The following USP8 variants were observed in gnomAD, a reference collection of about 807,000 sequenced individuals.
The protein encoded by USP8 is ubiquitin carboxyl-terminal hydrolase 8.
A neutral mutation model predicts 130.0 loss-of-function variants in USP8; 27 were observed. The ratio of observed to expected loss-of-function variants is 0.21; its 90% CI spans 0.15 to 0.29. The LOEUF (loss-of-function observed/expected upper bound fraction) is 0.29, where lower values mean the gene tolerates loss of function less well. Ranked by LOEUF, USP8 falls within the 10% of genes least tolerant of loss-of-function variation. The probability of loss-of-function intolerance (pLI) is 1.00; values close to 1 mark genes in which losing one functional copy is unlikely to be tolerated. For synonymous variants in USP8, 392 were observed against 444.1 expected (o/e 0.88, Z 1.48); for missense variants, 1,029 against 1,312.2 (o/e 0.78, Z 3.33).
rs1279091123 is a variant in USP8, at chr15:50,462,263, T to C, written c.499-17T>C. On this transcript the variant is annotated splice_polypyrimidine_tract_variant and intron_variant, in intron 5 of 19. Transcript: ENST00000307179. Reference sequence around the variant, plus strand: ...TGTCTATGAAAGTTGAAACTTTTTTTTTTTCCTATGCAATAGAGCAATGGT... The same window carrying C: ...TGTCTATGAAAGTTGAAACTTTTTTCTTTTCCTATGCAATAGAGCAATGGT... The C allele has an allele frequency of 6.3e-7, 1 of 1,592,582 alleles. No individual in the cohort carries two copies. The highest frequency in any genetic ancestry group is 8.5e-7 in the Non-Finnish European group (1 of 1,174,010).
Position 50,503,735 on chromosome 15 carries a change from T to G in USP8, c.*4647T>G, listed in dbSNP as rs1382696060. 3 of 152,228 alleles carry G rather than the reference T, an allele frequency of 2.0e-5. No individual in the cohort carries two copies. Among genetic ancestry groups the G allele is most frequent in the Non-Finnish European group, 4.4e-5 (3 of 68,046 alleles). The allele number at this position is 152,228 out of a possible 1,614,324, so 9.4% of individuals were successfully genotyped here. A position where few individuals can be genotyped will look rare whatever the true frequency, so the allele number is the denominator to read the frequency against. Reference sequence around the variant, plus strand: ...AATATGAAAAGTATTTCTAGGGCAGTTGCCAGAAGGAAACAGAATTTCTAG... The same window carrying G: ...AATATGAAAAGTATTTCTAGGGCAGGTGCCAGAAGGAAACAGAATTTCTAG... On this transcript the variant is annotated 3_prime_UTR_variant, in exon 20 of 20. Transcript: ENST00000307179.
Position 50,509,115 on chromosome 15 carries a change from A to G in USP8, c.*10027A>G, listed in dbSNP as rs1361726986. Reference sequence around the variant, plus strand: ...GCCACTGTGCTCCAGCCTGGGCGACAGAGCGAGACTCCGTCACAAAAAAAA... The same window carrying G: ...GCCACTGTGCTCCAGCCTGGGCGACGGAGCGAGACTCCGTCACAAAAAAAA... On this transcript the variant is annotated 3_prime_UTR_variant, in exon 20 of 20. Transcript: ENST00000307179. 1.5e-5 allele frequency: 2 copies of G among 134,042 alleles called. No individual in the cohort carries two copies. The highest frequency in any genetic ancestry group is 1.6e-5 in the Non-Finnish European group (1 of 64,478). 8.3% of individuals were successfully genotyped at this position (134,042 alleles called of 1,614,324 possible).
intron 4 of USP8, among the ~76,000 whole-genome samples, chr15:50,457,071 G>A (rs1421092058): frequency 6.6e-6 from 1 of 152,122 alleles, no homozygotes; most frequent in South Asian, 2.1e-4. Context: ...TAGATGGCAC[G>A]TTTTTGGTCA....
intron 18 of USP8, 96 bp from the exon 19 acceptor site, chr15:50,498,500 A>C (rs1210315180): frequency 7.1e-7 from 1 of 1,411,432 alleles, no homozygotes; most frequent in Non-Finnish European, 9.4e-7. Context: ...TTTGAAATGG[A>C]TTTTACAGTC....
At chr15:50,482,836 T>TA (rs2051823814) in intron 11 of USP8, among the ~76,000 whole-genome samples, 1 of 152,226 alleles carries the variant, frequency 6.6e-6, no homozygotes. Context: ...GAAGGCGGGA[T>TA]ACCATCTTTA....
chr15:50,450,142 G>A (rs1459177897), intron 4 of USP8, among the ~76,000 whole-genome samples: 11 of 152,028 alleles, frequency 7.2e-5, no homozygotes, highest in Admixed American at 3.9e-4. Flanking sequence ...TGATCCGCCC[G>A]CCTCAGCCTC....
intron 6 of USP8, 110 bp from the exon 7 acceptor site, chr15:50,464,937 A>T: frequency 9.2e-7 from 1 of 1,086,726 alleles, no homozygotes; most frequent in East Asian, 2.5e-5. Flanking sequence ...GCATCCATAT[A>T]TATTCAGTAT....
At chr15:50,478,232 C>T (rs1212345601) in intron 10 of USP8, among the ~76,000 whole-genome samples, 1 of 152,154 alleles carries the variant, frequency 6.6e-6, no homozygotes, top group African/African-American at 2.4e-5. Context: ...TAGAATTTGA[C>T]ACGCAAATAA....
At chr15:50,428,624 TACA>T (rs1284779716) in intron 1 of USP8, among the ~76,000 whole-genome samples, 2 of 152,204 alleles carry the variant, frequency 1.3e-5, no homozygotes, top group African/African-American at 2.4e-5. Context: ...ATAGAATAAT[TACA>T]ACAATATAGT....
intron 7 of USP8, among the ~76,000 whole-genome samples, chr15:50,469,621 TTATTA>T (rs2051309175): frequency 6.6e-6 from 1 of 152,162 alleles, no homozygotes; most frequent in African/African-American, 2.4e-5. Context: ...GTAACCAACA[TTATTA>T]TATAGGAACT....
chr15:50,465,146 G>A lies in USP8; in HGVS notation c.641G>A (p.Cys214Tyr), dbSNP rs199774545. ...AGAATGCAGGATTATCAGGATTCCTGTATTTTACATTCTCTCAGTGTTCCT... is the reference window on the plus strand; with the variant it reads ...AGAATGCAGGATTATCAGGATTCCTATATTTTACATTCTCTCAGTGTTCCT... ...ARRMQDYQDS[C>Y]ILHSLSVPEE... Residue 214 changes from cysteine (C) to tyrosine (Y), a missense_variant, in exon 7 of 20, where the codon TGT (cysteine) becomes TAT (tyrosine). Cys to Tyr is a radical substitution (Grantham distance 194). Around this residue, in one of 4 missense-constraint regions of USP8, gnomAD observed 281 missense variants for 336.7 expected, o/e 0.83. Transcript: ENST00000307179. 1.2e-6 allele frequency: 2 copies of A among 1,613,966 alleles called. No individual in the cohort carries two copies. Among genetic ancestry groups the A allele is most frequent in the East Asian group, 4.5e-5 (2 of 44,870 alleles).
At chr15:50,431,880 T>C (rs1041288347) in intron 1 of USP8, among the ~76,000 whole-genome samples, 3 of 152,032 alleles carry the variant, frequency 2.0e-5, no homozygotes, top group Non-Finnish European at 2.9e-5. Context: ...GGTCTTGAAC[T>C]TCTGACCTCA....
intron 5 of USP8, among the ~76,000 whole-genome samples, chr15:50,459,704 C>G (rs2141278554): frequency 6.6e-6 from 1 of 152,276 alleles, no homozygotes; most frequent in Non-Finnish European, 1.5e-5. Context: ...ACATTATAAA[C>G]TTAATTAGAG....
Position 50,465,052 on chromosome 15 carries a change from A to T in USP8, c.547A>T (p.Ile183Phe). The T allele has an allele frequency of 6.2e-7, 1 of 1,613,790 alleles. No homozygotes were observed. Among genetic ancestry groups the T allele is most frequent in the East Asian group, 2.2e-5 (1 of 44,860 alleles). The change falls in exon 7 of 20, where the codon ATC (isoleucine) becomes TTC (phenylalanine). Residue 183 changes from isoleucine to phenylalanine, a missense_variant. Ile to Phe is a conservative substitution (Grantham distance 21). Around this residue, in one of 4 missense-constraint regions of USP8, gnomAD observed 281 missense variants for 336.7 expected, o/e 0.83. Coordinates refer to ENST00000307179, the MANE Select transcript of USP8 (RefSeq NM_005154.5). ...EKCETKEKGA[I>F]TAKELYTMMT... ...CTGTCTCTCTCAATTCCAAGGAGCA[A>T]TCACAGCAAAGGAACTATACACAAT... is the stretch of plus-strand genomic sequence containing the variant.
chr15:50,452,596 G>C (rs1284501629), intron 4 of USP8, among the ~76,000 whole-genome samples: 1 of 152,136 alleles, frequency 6.6e-6, no homozygotes, highest in Non-Finnish European at 1.5e-5. Context: ...TTCCAGCATA[G>C]AGCACTACTA....
chr15:50,440,176 A>G lies in USP8; in HGVS notation c.104+999A>G, dbSNP rs1035734161. The stretch of plus-strand genomic sequence containing the variant: ...TGGGAAGTTGATGAGGTGACAGAAA[A>G]CAACTCTAACTCCTGTTGAATGATT... On this transcript the variant is annotated intron_variant, in intron 2 of 19. Coordinates refer to ENST00000307179, the MANE Select transcript of USP8 (RefSeq NM_005154.5). Among the ~76,000 whole-genome samples, 6 of 152,298 alleles carry G rather than the reference A, an allele frequency of 3.9e-5. 1 individual carries two copies. In the South Asian group the frequency reaches 1.2e-3, roughly 32 times the overall value.
At position 50,497,161 on chromosome 15, in the gene USP8, G is replaced by A. The variant is rs1475214003; in HGVS notation, c.2968G>A (p.Ala990Thr). 1 of 1,610,666 alleles carries A rather than the reference G, an allele frequency of 6.2e-7. No homozygotes were observed. The highest frequency in any genetic ancestry group is 1.7e-5 in the Admixed American group (1 of 59,434). The stretch of plus-strand genomic sequence containing the variant: ...CAGATTTTACTGCAGTCATTGCAGA[G>A]CTCGACGGGATTCTCTAAAAAAGAT... ...NNRFYCSHCRARRDSLKKIEI... is the reference protein window; with the variant it reads ...NNRFYCSHCRTRRDSLKKIEI... The change falls in exon 18 of 20, where the codon GCT becomes ACT. Residue 990 changes from alanine to threonine, a missense_variant. By Grantham distance (58) the Ala-to-Thr change is moderately conservative (BLOSUM62 0). This residue lies in a region of USP8 where 257 missense variants were observed against 429.8 expected (regional missense o/e 0.60). Coordinates refer to ENST00000307179, the MANE Select transcript of USP8 (RefSeq NM_005154.5).
rs187310494 is a variant in USP8 at position 50,433,823 on chromosome 15, T to C, written c.-65-5186T>C. ...GGTTTCACCGTGTTAGCCAGGATGG[T>C]CTTGATCTCCTGACCTCGTGATCCG... On this transcript the variant is annotated intron_variant, in intron 1 of 19. Coordinates refer to ENST00000307179, the MANE Select transcript of USP8 (RefSeq NM_005154.5). Among the ~76,000 whole-genome samples the C allele has an allele frequency of 2.4e-4, 37 of 152,258 alleles. No homozygotes were observed. The East Asian group carries it at 7.0e-3, about 29-fold the overall frequency.
At chr15:50,473,166 C>T (rs994762481) in intron 8 of USP8, among the ~76,000 whole-genome samples, 4 of 152,106 alleles carry the variant, frequency 2.6e-5, no homozygotes, top group African/African-American at 7.2e-5. Context: ...TTTCACTGAT[C>T]AAGTTAACAA....
Sources: allele counts gnomAD v4.1 joint callset (sites outside exome capture counted in the v4.1 genomes callset), GRCh38; gene constraint gnomAD v4.1.1; regional missense constraint gnomAD v4.1.1; transcripts MANE v1.5; gene names NCBI Gene and HGNC (gene_info 2026-07-23, HGNC 2026-07-21).